The following CELF2 variants were observed in gnomAD, a reference collection of about 807,000 sequenced individuals.
CELF2 encodes CUG triplet repeat RNA-binding protein 2.
In CELF2, 8 loss-of-function variants were observed where a neutral mutation model predicts 62.6. That is an observed-to-expected ratio of 0.13 (90% CI 0.07 to 0.23). The LOEUF (loss-of-function observed/expected upper bound fraction) is 0.23, where lower values mean the gene tolerates loss of function less well. Among genes scored for constraint, CELF2 ranks in the 10% least tolerant of loss-of-function variants. The pLI, the probability that CELF2 is intolerant of heterozygous loss-of-function variation, is 1.00. For synonymous variants in CELF2, 258 were observed against 250.0 expected, an observed-to-expected ratio of 1.03 and a Z score of -0.30; for missense variants, 333 against 671.0, an observed-to-expected ratio of 0.50 and a Z score of 5.56.
chr10:11,070,021 T>C (rs575377551), intron 1 of CELF2, among the ~76,000 whole-genome samples: 2 of 152,360 alleles, frequency 1.3e-5, no homozygotes, highest in South Asian at 4.1e-4. Flanking sequence ...CTAGGAAAAT[T>C]GGAGTAAAAA....
intron 2 of CELF2, among the ~76,000 whole-genome samples, chr10:11,198,670 T>C (rs1311353503): frequency 1.3e-5 from 2 of 152,228 alleles, no homozygotes; most frequent in Admixed American, 6.5e-5. Context: ...CATCCTACTT[T>C]GACAGCCAGC....
the CELF2 span, among the ~76,000 whole-genome samples, chr10:10,774,202 C>T: frequency 1.3e-5 from 2 of 152,244 alleles, no homozygotes; most frequent in African/African-American, 4.8e-5. Context: ...AATACAATTC[C>T]AAACACGAGA....
At chr10:10,526,704 G>A in the CELF2 span, among the ~76,000 whole-genome samples, 1 of 152,208 alleles carries the variant, frequency 6.6e-6, no homozygotes, top group Non-Finnish European at 1.5e-5. Context: ...CTCAACAAAT[G>A]TTTGTTGAAT....
intron 6 of CELF2, among the ~76,000 whole-genome samples, 163 bp downstream of exon 6, chr10:11,266,840 TC>T (rs2082288261): frequency 6.6e-6 from 1 of 152,174 alleles, no homozygotes; most frequent in African/African-American, 2.4e-5. Flanking sequence ...TCTCTCTCTC[TC>T]TCTTTCTCTA....
chr10:11,190,987 A>G (rs1021574505), intron 2 of CELF2, among the ~76,000 whole-genome samples: 2 of 152,156 alleles, frequency 1.3e-5, no homozygotes, highest in African/African-American at 2.4e-5. Context: ...ACAGTTGCAC[A>G]GCAGCATCAA....
At chr10:10,464,372 T>C in the CELF2 span, among the ~76,000 whole-genome samples, 1 of 152,166 alleles carries the variant, frequency 6.6e-6, no homozygotes, top group African/African-American at 2.4e-5. Context: ...ATAGAATCAG[T>C]GACTAGAAAT....
intron 1 of CELF2, among the ~76,000 whole-genome samples, chr10:11,027,595 G>T (rs1300441762): frequency 6.6e-6 from 1 of 152,190 alleles, no homozygotes; most frequent in African/African-American, 2.4e-5. Context: ...GCTATGCGTG[G>T]TTTTTAATTT....
At chr10:10,806,404 C>T (rs1286008109) in intron 1 of CELF2, among the ~76,000 whole-genome samples, 1 of 152,090 alleles carries the variant, frequency 6.6e-6, no homozygotes, top group Admixed American at 6.5e-5. Context: ...AGGGCTTCAC[C>T]ACGTTGGCCA....
intron 1 of CELF2, among the ~76,000 whole-genome samples, chr10:11,131,180 G>A (rs775841119): frequency 2.6e-5 from 4 of 152,180 alleles, no homozygotes; most frequent in Non-Finnish European, 5.9e-5. Flanking sequence ...GCGTGATATC[G>A]ATTGCTTAAA....
At chr10:11,135,286 C>T (rs1051877835) in intron 1 of CELF2, among the ~76,000 whole-genome samples, 34 of 152,170 alleles carry the variant, frequency 2.2e-4, no homozygotes, top group African/African-American at 7.5e-4. Flanking sequence ...TTATATGCAG[C>T]GTCTATATTA....
chr10:10,837,651 C>T (rs754018787), intron 1 of CELF2, among the ~76,000 whole-genome samples: 11 of 152,162 alleles, frequency 7.2e-5, no homozygotes, highest in Non-Finnish European at 1.0e-4. Flanking sequence ...AAAGTATTAA[C>T]GGTCAGACTG....
chr10:11,095,582 A>G (rs2049603740), intron 1 of CELF2, among the ~76,000 whole-genome samples: 1 of 152,232 alleles, frequency 6.6e-6, no homozygotes, highest in Non-Finnish European at 1.5e-5. Context: ...TCTTTTGCCC[A>G]CATTTTTAAC....
Position 11,075,899 on chromosome 10 carries a change from T to G in CELF2, c.74+57736T>G, listed in dbSNP as rs2071728588. On this transcript the variant is annotated intron_variant, in intron 1 of 12. Coordinates refer to ENST00000633077, the MANE Select transcript of CELF2 (RefSeq NM_001326342.2). The surrounding 1 kb of genome is among the most constrained non-coding windows in gnomAD (Gnocchi z 5.4). ...ATGTTTAATAAACTGCCAACATCAG[T>G]ATCTCAGAATGAGTGAAACAAAAAG... Among the ~76,000 whole-genome samples the G allele has an allele frequency of 1.3e-5, 2 of 152,164 alleles. No individual in the cohort carries two copies. Among genetic ancestry groups the G allele is most frequent in the Admixed American group, 1.3e-4 (2 of 15,270 alleles).
At chr10:10,584,835 T>A in the CELF2 span, among the ~76,000 whole-genome samples, 1 of 152,212 alleles carries the variant, frequency 6.6e-6, no homozygotes, top group South Asian at 2.1e-4. Context: ...GTTGTGAGAC[T>A]AACGAAATGA....
At chr10:11,323,542 C>G (rs372619609) in intron 11 of CELF2, among the ~76,000 whole-genome samples, 8 of 152,048 alleles carry the variant, frequency 5.3e-5, no homozygotes, top group African/African-American at 1.9e-4. Context: ...AGGAAGTGAG[C>G]CTCTGATGGC....
the CELF2 span, among the ~76,000 whole-genome samples, chr10:10,590,701 A>T: frequency 5.9e-5 from 9 of 152,314 alleles, no homozygotes; most frequent in Non-Finnish European, 1.0e-4. Flanking sequence ...ACTCAGTTTC[A>T]TGTTAGATCT....
upstream of CELF2, among the ~76,000 whole-genome samples, chr10:11,016,852 C>T (rs2057324647): frequency 6.6e-6 from 1 of 152,080 alleles, no homozygotes; most frequent in Non-Finnish European, 1.5e-5. The surrounding 1 kb of genome is among the most constrained non-coding windows in gnomAD (Gnocchi z 5.2). Context: ...CATACATTAC[C>T]CTAAAAGTTT....
At position 11,224,794 on chromosome 10, in the gene CELF2, T is replaced by G. The variant is rs375395401; in HGVS notation, c.354+7287T>G. 2.4e-3 allele frequency among the ~76,000 whole-genome samples: 359 copies of G among 152,224 alleles called. 3 individuals carry two copies. Among genetic ancestry groups the G allele is most frequent in the African/African-American group, 7.9e-3 (329 of 41,528 alleles). On this transcript the variant is annotated intron_variant, in intron 3 of 12. Coordinates refer to ENST00000633077, the MANE Select transcript of CELF2 (RefSeq NM_001326342.2). This position sits in a 1 kb window ranked among gnomAD's most constrained non-coding sequence, Gnocchi z 4.5. ...CGCTCGTGAGTTCGGAGCCTGGAGC[T>G]TTAGGCCACACAAAAAGCATACAGC... is the stretch of plus-strand genomic sequence containing the variant.
intron 1 of CELF2, among the ~76,000 whole-genome samples, chr10:10,876,402 A>C (rs1476258400): frequency 6.6e-6 from 1 of 152,254 alleles, no homozygotes; most frequent in East Asian, 1.9e-4. Flanking sequence ...AAACTGTGCC[A>C]TTGTCTTCTC....
Sources: allele counts gnomAD v4.1 joint callset (sites outside exome capture counted in the v4.1 genomes callset), GRCh38; gene constraint gnomAD v4.1.1; non-coding constraint Gnocchi (gnomAD v3.1); transcripts MANE v1.5; gene names NCBI Gene and HGNC (gene_info 2026-07-23, HGNC 2026-07-21).